Variants in TRAPPC9 observed in about 807,000 individuals in gnomAD.
TRAPPC9 encodes the protein IKK2 binding protein.
In TRAPPC9, 83 loss-of-function variants were observed where a neutral mutation model predicts 124.0. The ratio of observed to expected loss-of-function variants is 0.67; its 90% CI spans 0.56 to 0.80. The LOEUF (loss-of-function observed/expected upper bound fraction) is 0.80. Among genes scored for constraint, TRAPPC9 ranks in the 30% least tolerant of loss-of-function variants. The probability of loss-of-function intolerance (pLI) is 0.00; values close to 1 mark genes in which losing one functional copy is unlikely to be tolerated. For missense variants in TRAPPC9, 1,302 were observed against 1,508.3 expected (o/e 0.86, Z 2.27); for synonymous variants, 638 against 617.5 (o/e 1.03, Z -0.49).
chr8:139,875,011 G>A (rs185186980), intron 21 of TRAPPC9, among the ~76,000 whole-genome samples: 25 of 152,338 alleles, frequency 1.6e-4, no homozygotes, highest in Admixed American at 8.5e-4. Flanking sequence ...TGGAAGTTAC[G>A]CCTTCCTGAA....
intron 17 of TRAPPC9, among the ~76,000 whole-genome samples, chr8:140,194,837 T>C (rs574340341): frequency 6.6e-6 from 1 of 152,212 alleles, no homozygotes; most frequent in African/African-American, 2.4e-5. Context: ...CTCACACCTC[T>C]GACCACTAAA....
chr8:140,228,920 A>G (rs1456713122), intron 16 of TRAPPC9, among the ~76,000 whole-genome samples: 1 of 152,256 alleles, frequency 6.6e-6, no homozygotes, highest in East Asian at 1.9e-4. Flanking sequence ...AATAACGATT[A>G]GACCAGAAGC....
chr8:140,349,844 C>A (rs1461923779), intron 9 of TRAPPC9, among the ~76,000 whole-genome samples: 1 of 152,202 alleles, frequency 6.6e-6, no homozygotes, highest in African/African-American at 2.4e-5. Context: ...GCTGCCACCA[C>A]GTCCAGGTAG....
chr8:139,923,745 C>T (rs1832647514), intron 19 of TRAPPC9, among the ~76,000 whole-genome samples: 1 of 152,232 alleles, frequency 6.6e-6, no homozygotes, highest in South Asian at 2.1e-4. Flanking sequence ...GAAGAACAGG[C>T]TGGTGGAACT....
chr8:139,905,986 C>CG (rs1563911376), intron 20 of TRAPPC9, among the ~76,000 whole-genome samples: 1 of 151,752 alleles, frequency 6.6e-6, no homozygotes, highest in Admixed American at 6.6e-5. Flanking sequence ...CCCAGCTACT[C>CG]GGGGGGCTGA....
intron 21 of TRAPPC9, among the ~76,000 whole-genome samples, chr8:139,782,408 T>C (rs966686040): frequency 1.3e-5 from 2 of 152,224 alleles, no homozygotes; most frequent in African/African-American, 4.8e-5. Flanking sequence ...ATCATGTTAA[T>C]ACAAATGTAA....
chr8:140,147,581 T>A (rs1249991617), intron 17 of TRAPPC9, among the ~76,000 whole-genome samples: 2 of 152,156 alleles, frequency 1.3e-5, no homozygotes, highest in African/African-American at 2.4e-5. Flanking sequence ...AGATGAGAAA[T>A]CAAAGCCTAA....
intron 17 of TRAPPC9, among the ~76,000 whole-genome samples, chr8:140,042,233 G>A (rs897668820): frequency 5.6e-5 from 8 of 142,764 alleles, no homozygotes; most frequent in Non-Finnish European, 9.2e-5. Context: ...GTGTGTGTGT[G>A]TACAAACATA....
chr8:140,199,547 GC>G (rs2062743396), intron 17 of TRAPPC9, among the ~76,000 whole-genome samples: 1 of 8,126 alleles, frequency 1.2e-4, no homozygotes, highest in Admixed American at 1.2e-3. Flanking sequence ...GCATCATGCT[GC>G]TTTCTCAATA....
rs11340277 is a variant in TRAPPC9, at chr8:139,728,025, TA to T, written c.*3035del. Among the ~76,000 whole-genome samples the T allele has an allele frequency of 0.27, 40,726 of 151,204 alleles. 6,431 individuals carry two copies. The highest frequency in any genetic ancestry group is 0.44 in the African/African-American group (18,301 of 41,248). On this transcript the variant is annotated 3_prime_UTR_variant, in exon 23 of 23. Coordinates refer to ENST00000438773, the MANE Select transcript of TRAPPC9 (RefSeq NM_001160372.4). ...TTATTAAGAAGTTGCTATCATGTGC[TA>T]AAAAAAAATCTAGGAGGTTAAATCA...
At chr8:140,376,070 C>T (rs2068428817) in intron 7 of TRAPPC9, among the ~76,000 whole-genome samples, 1 of 151,974 alleles carries the variant, frequency 6.6e-6, no homozygotes, top group Admixed American at 6.6e-5. Context: ...TTCTCATATC[C>T]CGGAGTAGGG....
chr8:139,913,213 T>C (rs1831867920), intron 19 of TRAPPC9, among the ~76,000 whole-genome samples: 2 of 152,254 alleles, frequency 1.3e-5, no homozygotes, highest in Admixed American at 1.3e-4. Context: ...AAACTGTAGC[T>C]AACTCTGCCC....
In TRAPPC9 at chr8:140,426,560, T is replaced by C. The variant is rs2070429440; in HGVS notation, c.886+55A>G. 6 of 1,546,208 alleles carry C rather than the reference T, an allele frequency of 3.9e-6. No individual in the cohort carries two copies. In the East Asian group the frequency reaches 6.7e-5, roughly 17 times the overall value. On this transcript the variant is annotated intron_variant, in intron 5 of 22. Transcript: ENST00000438773. The stretch of plus-strand genomic sequence containing the variant: ...TTTTAACCATTCATTCACATCACCA[T>C]GAAACAAGCACTTAAAAAAATAACC...
At chr8:139,850,547 T>C (rs993257498) in intron 21 of TRAPPC9, among the ~76,000 whole-genome samples, 3 of 152,248 alleles carry the variant, frequency 2.0e-5, no homozygotes, top group Non-Finnish European at 2.9e-5. Context: ...AATGCTAATA[T>C]ACATGCCAAT....
intron 21 of TRAPPC9, among the ~76,000 whole-genome samples, chr8:139,801,071 C>G (rs1823489097): frequency 7.6e-6 from 1 of 131,344 alleles, no homozygotes; most frequent in East Asian, 1.9e-4. Context: ...CCTCCAGTAT[C>G]TTCCCTCCCT....
At chr8:139,790,622 C>T (rs1483034214) in intron 21 of TRAPPC9, among the ~76,000 whole-genome samples, 1 of 152,118 alleles carries the variant, frequency 6.6e-6, no homozygotes. Context: ...TGGGTGCTAC[C>T]GGCATTCAGT....
chr8:140,237,398 G>T (rs2063753403), intron 16 of TRAPPC9, among the ~76,000 whole-genome samples: 1 of 151,108 alleles, frequency 6.6e-6, no homozygotes, highest in South Asian at 2.1e-4. Context: ...ATGAGTAAGA[G>T]TTTTTCAAGA....
chr8:139,902,198 G>A (rs571386611), intron 20 of TRAPPC9, among the ~76,000 whole-genome samples: 20 of 152,264 alleles, frequency 1.3e-4, no homozygotes, highest in South Asian at 4.1e-4. Context: ...GCCCTTCCCC[G>A]CTCTCATGTT....
intron 21 of TRAPPC9, among the ~76,000 whole-genome samples, chr8:139,756,958 G>A (rs1256677681): frequency 2.2e-5 from 3 of 135,576 alleles, no homozygotes; most frequent in Non-Finnish European, 3.2e-5. Context: ...AGGACAGCAG[G>A]TCGCAGGAGA....
Sources: allele counts gnomAD v4.1 joint callset (sites outside exome capture counted in the v4.1 genomes callset), GRCh38; gene constraint gnomAD v4.1.1; transcripts MANE v1.5; gene names NCBI Gene and HGNC (gene_info 2026-07-23, HGNC 2026-07-21).